Variants in PTPRO observed in about 807,000 individuals in gnomAD.
PTPRO encodes the protein protein tyrosine phosphatase receptor type O, also known as receptor-type tyrosine-protein phosphatase O.
PTPRO carries 62 observed loss-of-function variants against 145.2 expected under a neutral mutation model. The ratio of observed to expected loss-of-function variants is 0.43; its 90% confidence interval spans 0.35 to 0.53. The LOEUF is 0.53. PTPRO is among the 20% of genes least tolerant of loss of function. PTPRO has a pLI of 0.01. For missense variants in PTPRO, 1,345 were observed against 1,482.7 expected (o/e 0.91, Z 1.53); for synonymous variants, 565 against 514.7 (o/e 1.10, Z -1.32).
In PTPRO at chr12:15,416,319, C is replaced by T. The variant is rs899816029; in HGVS notation, c.76-67655C>T. ...TTGGTTCCTCTTTCTCTCTCTCTCT[C>T]TCTTTCTTTTTTTTTTTTGAGACAG... is the stretch of plus-strand genomic sequence containing the variant. On this transcript the variant is annotated intron_variant, in intron 1 of 26. Transcript: ENST00000281171. Among the ~76,000 whole-genome samples, 19 of 105,502 alleles carry T rather than the reference C, an allele frequency of 1.8e-4. 1 individual carries two copies. Among genetic ancestry groups the T allele is most frequent in the Admixed American group, 5.0e-4 (5 of 10,046 alleles). The allele number at this position is 105,502 out of a possible 152,430, so 69.2% of individuals were successfully genotyped here.
At chr12:15,541,386 G>T (rs1396795387) in intron 12 of PTPRO, among the ~76,000 whole-genome samples, 1 of 152,126 alleles carries the variant, frequency 6.6e-6, no homozygotes, top group Non-Finnish European at 1.5e-5. Context: ...TCCCTCATGT[G>T]CAGAAAGGGA....
At chr12:15,511,318 A>G (rs1009515356) in intron 7 of PTPRO, among the ~76,000 whole-genome samples, 1 of 152,252 alleles carries the variant, frequency 6.6e-6, no homozygotes, top group African/African-American at 2.4e-5. Flanking sequence ...GAGGTCCAGG[A>G]GAAATAAAAA....
chr12:15,421,140 C>A (rs1565619670), intron 1 of PTPRO, among the ~76,000 whole-genome samples: 3 of 152,148 alleles, frequency 2.0e-5, no homozygotes, highest in Admixed American at 6.6e-5. Flanking sequence ...ATCAGTTTCC[C>A]TTTAAATGCT....
chr12:15,348,995 A>G (rs1937698067), intron 1 of PTPRO, among the ~76,000 whole-genome samples: 1 of 152,246 alleles, frequency 6.6e-6, no homozygotes, highest in Admixed American at 6.5e-5. Context: ...GGAGAGAACA[A>G]TAAAGAGCTA....
chr12:15,435,194 A>G (rs1249049642), intron 1 of PTPRO, among the ~76,000 whole-genome samples: 1 of 152,226 alleles, frequency 6.6e-6, no homozygotes, highest in African/African-American at 2.4e-5. Context: ...ATAATAGGAT[A>G]AGAGTGATTG....
intron 1 of PTPRO, among the ~76,000 whole-genome samples, chr12:15,365,554 T>C (rs1390602959): frequency 6.6e-6 from 1 of 152,182 alleles, no homozygotes; most frequent in Non-Finnish European, 1.5e-5. Context: ...ACTTGTTTTA[T>C]GTAGGCCCAG....
chr12:15,360,850 A>G lies in PTPRO; in HGVS notation c.75+38049A>G, dbSNP rs554120074. On this transcript the variant is annotated intron_variant, in intron 1 of 26. Coordinates refer to ENST00000281171, the MANE Select transcript of PTPRO (RefSeq NM_030667.3). ...TGTGTATATATATACGTGTGTATAT[A>G]TGTGTGTGTATATATGTGTGTATAT... Among the ~76,000 whole-genome samples the G allele has an allele frequency of 8.6e-5, 11 of 127,762 alleles. 2 individuals are homozygous for G. The East Asian group carries it at 1.5e-3, about 18-fold the overall frequency. 83.8% of individuals were successfully genotyped at this position (127,762 alleles called of 152,430 possible). A position where few individuals can be genotyped will look rare whatever the true frequency, so the allele number is the denominator to read the frequency against.
intron 1 of PTPRO, among the ~76,000 whole-genome samples, chr12:15,372,278 A>T (rs999880945): frequency 6.6e-6 from 1 of 152,164 alleles, no homozygotes; most frequent in African/African-American, 2.4e-5. Flanking sequence ...TTTGATTACC[A>T]TGAATCTTGG....
At chr12:15,578,284 A>T (rs2135637234) in intron 19 of PTPRO, among the ~76,000 whole-genome samples, 1 of 152,256 alleles carries the variant, frequency 6.6e-6, no homozygotes, top group African/African-American at 2.4e-5. Context: ...AACTTAAGTT[A>T]CTCTATTCCT....
rs1310472420 is a variant in PTPRO at position 15,569,440 on chromosome 12, A to G, written c.2771A>G (p.Asp924Gly). The stretch of plus-strand genomic sequence containing the variant: ...AGCCCGGTTCAACTGGATGACTTTG[A>G]TGCCTATATTAAGGATATGGCCAAA... ...LTNPVQLDDF[D>G]AYIKDMAKDS... The change falls in exon 19 of 27, where the codon GAT becomes GGT. Residue 924 changes from aspartate to glycine, a missense_variant. This residue lies in a region of PTPRO where 1,130 missense variants were observed against 1,214.7 expected (regional missense o/e 0.93). Coordinates refer to ENST00000281171, the MANE Select transcript of PTPRO (RefSeq NM_030667.3). The G allele has an allele frequency of 1.2e-6, 2 of 1,613,766 alleles. No individual in the cohort carries two copies. The highest frequency in any genetic ancestry group is 1.3e-5 in the African/African-American group (1 of 75,034).
intron 1 of PTPRO, among the ~76,000 whole-genome samples, chr12:15,326,453 A>T (rs779628845): frequency 5.3e-5 from 8 of 152,184 alleles, no homozygotes; most frequent in Non-Finnish European, 7.3e-5. Context: ...TTTGTGAGAG[A>T]CTATCGTTGT....
At chr12:15,518,634 G>A (rs1942649361) in intron 9 of PTPRO, among the ~76,000 whole-genome samples, 1 of 152,164 alleles carries the variant, frequency 6.6e-6, no homozygotes. Flanking sequence ...CCTCTTGAAT[G>A]CTTTGCTGCT....
chr12:15,536,797 G>A (rs1943074419), intron 12 of PTPRO, among the ~76,000 whole-genome samples: 1 of 152,200 alleles, frequency 6.6e-6, no homozygotes, highest in South Asian at 2.1e-4. Flanking sequence ...TTTGGGGCAA[G>A]GCTTTTCTGC....
chr12:15,382,438 T>C (rs559555180), intron 1 of PTPRO, among the ~76,000 whole-genome samples: 1 of 152,240 alleles, frequency 6.6e-6, no homozygotes, highest in Non-Finnish European at 1.5e-5. Context: ...GACATCTCAA[T>C]ACCAACAGGG....
intron 1 of PTPRO, among the ~76,000 whole-genome samples, chr12:15,340,964 G>A (rs1167402367): frequency 1.3e-5 from 2 of 152,136 alleles, no homozygotes; most frequent in African/African-American, 4.8e-5. Context: ...ATCTGACAAA[G>A]TGTAAATAGA....
chr12:15,509,658 G>C (rs1942397039), intron 7 of PTPRO, among the ~76,000 whole-genome samples: 1 of 121,786 alleles, frequency 8.2e-6, no homozygotes, highest in Admixed American at 9.2e-5. Flanking sequence ...CTGTACTCCA[G>C]CCTGGGCAAC....
chr12:15,568,835 A>C (rs1424832890), intron 18 of PTPRO, among the ~76,000 whole-genome samples: 1 of 152,214 alleles, frequency 6.6e-6, no homozygotes, highest in African/African-American at 2.4e-5. Context: ...CTTTCTGGAC[A>C]AAAGTTTCAT....
intron 1 of PTPRO, among the ~76,000 whole-genome samples, chr12:15,373,260 A>T (rs1445292724): frequency 1.3e-5 from 2 of 152,204 alleles, no homozygotes; most frequent in Non-Finnish European, 2.9e-5. Context: ...TGCTAGCATG[A>T]TGGTGACAGC....
intron 14 of PTPRO, among the ~76,000 whole-genome samples, chr12:15,550,245 A>G (rs12825911): frequency 0.025 from 3,745 of 152,302 alleles, 61 homozygotes; most frequent in Non-Finnish European, 0.038. Context: ...TAAGCTAGAG[A>G]AAAGAAAATG....
Sources: gnomAD v4.1 joint callset for allele counts (sites outside exome capture counted in the v4.1 genomes callset) on GRCh38, gnomAD v4.1.1 for gene constraint, gnomAD v4.1.1 regional missense constraint, MANE v1.5 for transcripts, NCBI Gene and HGNC (gene_info 2026-07-23, HGNC 2026-07-21) for gene names.